ARID1B: variants seen among roughly 807,000 people sequenced by gnomAD.
ARID1B encodes the protein AT-rich interactive domain-containing protein 1B.
ARID1B carries 30 observed loss-of-function variants against 212.3 expected under a neutral mutation model. That is an observed-to-expected ratio of 0.14 (90% CI 0.11 to 0.19). The LOEUF is 0.19. Ranked by LOEUF, ARID1B falls within the 10% of genes least tolerant of loss-of-function variation. The pLI is 1.00. For missense variants in ARID1B, 2,891 were observed against 3,204.0 expected, an observed-to-expected ratio of 0.90 and a Z score of 2.36; for synonymous variants, 1,402 against 1,301.7, an observed-to-expected ratio of 1.08 and a Z score of -1.66.
At position 156,779,432 on chromosome 6, in the gene ARID1B, G is replaced by A. The variant is rs2115005615; in HGVS notation, c.1752G>A (p.Met584Ile). The part of the protein sequence containing the change: ...AAAQQRSHPA[M>I]SPGTPGPTMG... ...CGCAACAAAGGAGTCACCCGGCGATGAGCCCCGGCACCCCCGGACCGACCA... is the reference window on the plus strand; with the variant it reads ...CGCAACAAAGGAGTCACCCGGCGATAAGCCCCGGCACCCCCGGACCGACCA... Residue 584 changes from methionine to isoleucine, a missense_variant, in exon 1 of 20, where the codon ATG (methionine) becomes ATA (isoleucine). By Grantham distance (10) the Met-to-Ile change is conservative (BLOSUM62 1). This residue lies in a region of ARID1B where 1,643 missense variants were observed against 1,544.0 expected (regional missense o/e 1.06). Coordinates refer to ENST00000636930, the MANE Select transcript of ARID1B (RefSeq NM_001374828.1). 2 of 1,465,634 alleles carry A rather than the reference G, an allele frequency of 1.4e-6. No homozygotes were observed. The highest frequency in any genetic ancestry group is 1.8e-6 in the Non-Finnish European group (2 of 1,106,350). The allele number at this position is 1,465,634 out of a possible 1,614,324, so 90.8% of individuals were successfully genotyped here.
intron 4 of ARID1B, among the ~76,000 whole-genome samples, chr6:157,074,065 C>T (rs1784157061): frequency 1.3e-5 from 2 of 152,208 alleles, no homozygotes; most frequent in South Asian, 4.2e-4. Flanking sequence ...TCCCCCAAAA[C>T]AAAAAGAAGA....
chr6:157,067,319 T>A (rs1783728828), intron 4 of ARID1B, among the ~76,000 whole-genome samples: 1 of 152,174 alleles, frequency 6.6e-6, no homozygotes, highest in Non-Finnish European at 1.5e-5. Flanking sequence ...TTCTGGGAAG[T>A]ACAGGCCATC....
At chr6:156,925,764 T>C (rs1323755138) in intron 3 of ARID1B, among the ~76,000 whole-genome samples, 2 of 152,154 alleles carry the variant, frequency 1.3e-5, no homozygotes, top group Non-Finnish European at 2.9e-5. Context: ...AAACTATCGA[T>C]GTGGACTGGG....
chr6:156,843,207 A>G (rs1784015472), intron 2 of ARID1B, among the ~76,000 whole-genome samples: 1 of 152,060 alleles, frequency 6.6e-6, no homozygotes. Context: ...CCATTATTGT[A>G]TTGTCTTCAT....
At chr6:156,885,148 G>A (rs1787405667) in intron 2 of ARID1B, among the ~76,000 whole-genome samples, 1 of 152,116 alleles carries the variant, frequency 6.6e-6, no homozygotes, top group Non-Finnish European at 1.5e-5. Context: ...TCTAATTTCA[G>A]AACTAAAATA....
At chr6:156,784,230 T>C (rs1196242970) in intron 1 of ARID1B, among the ~76,000 whole-genome samples, 7 of 152,070 alleles carry the variant, frequency 4.6e-5, no homozygotes, top group Admixed American at 1.3e-4. Context: ...ATATGTAAAG[T>C]AGTGCCGCAC....
chr6:156,871,527 CTAAT>C (rs1786126524), intron 2 of ARID1B: 2 of 1,229,550 alleles, frequency 1.6e-6, no homozygotes, highest in Non-Finnish European at 2.4e-6. Flanking sequence ...TCAAGGTCAC[CTAAT>C]TAATAAGCCA....
intron 3 of ARID1B, among the ~76,000 whole-genome samples, chr6:156,927,340 C>T (rs976071623): frequency 6.6e-6 from 1 of 152,164 alleles, no homozygotes; most frequent in African/African-American, 2.4e-5. Flanking sequence ...GAGATTCCCA[C>T]AGCCTGGGAT....
intron 2 of ARID1B, among the ~76,000 whole-genome samples, chr6:156,865,058 T>C (rs959424254): frequency 2.0e-5 from 3 of 152,224 alleles, no homozygotes; most frequent in African/African-American, 7.2e-5. Context: ...TTTTATCTTC[T>C]AGAGGACTTC....
At chr6:157,177,586 A>G (rs896891423) in intron 11 of ARID1B, among the ~76,000 whole-genome samples, 13 of 152,378 alleles carry the variant, frequency 8.5e-5, no homozygotes, top group African/African-American at 2.9e-4. Context: ...GTCCATACAC[A>G]TACACATACA....
intron 4 of ARID1B, among the ~76,000 whole-genome samples, chr6:156,977,576 G>T (rs1583065337): frequency 1.3e-5 from 2 of 152,078 alleles, no homozygotes; most frequent in East Asian, 3.9e-4. Flanking sequence ...TGAACATGTG[G>T]AATATAGTTA....
intron 4 of ARID1B, among the ~76,000 whole-genome samples, chr6:157,014,251 T>G (rs2128460408): frequency 6.6e-6 from 1 of 152,320 alleles, no homozygotes; most frequent in South Asian, 2.1e-4. Context: ...TTATTAGAAT[T>G]GTTGGTGGTG....
intron 2 of ARID1B, among the ~76,000 whole-genome samples, chr6:156,840,977 C>A (rs1166567027): frequency 6.6e-6 from 1 of 152,196 alleles, no homozygotes; most frequent in Non-Finnish European, 1.5e-5. Context: ...TTCATCCCAA[C>A]ACCAGTCATT....
chr6:157,123,180 T>G (rs79062148), intron 6 of ARID1B, among the ~76,000 whole-genome samples: 25,353 of 146,340 alleles, frequency 0.17, 2,454 homozygotes, highest in African/African-American at 0.24. Flanking sequence ...TTTGAGATCT[T>G]TCTCTGTCTC....
At chr6:156,991,262 T>C (rs2087473) in intron 4 of ARID1B, among the ~76,000 whole-genome samples, 1 of 151,980 alleles carries the variant, frequency 6.6e-6, no homozygotes, top group African/African-American at 2.4e-5. Flanking sequence ...ACGGAGTTTC[T>C]CTCTGTCGCC....
intron 2 of ARID1B, among the ~76,000 whole-genome samples, chr6:156,871,181 A>G (rs1442941030): frequency 6.6e-6 from 1 of 152,220 alleles, no homozygotes; most frequent in Non-Finnish European, 1.5e-5. Context: ...TACATATACC[A>G]TAGAAGCAAC....
chr6:157,161,404 C>T (rs1265576092), intron 8 of ARID1B, among the ~76,000 whole-genome samples: 1 of 145,176 alleles, frequency 6.9e-6, no homozygotes, highest in Non-Finnish European at 1.5e-5. Context: ...GCTTGACGGT[C>T]TTATTTTCTG....
At position 157,190,977 on chromosome 6, in the gene ARID1B, C is replaced by T. The variant is rs1793323004; in HGVS notation, c.4231+767C>T. 6.6e-6 allele frequency among the ~76,000 whole-genome samples: 1 copy of T among 151,912 alleles called. No individual in the cohort carries two copies. The highest frequency in any genetic ancestry group is 2.4e-5 in the African/African-American group (1 of 41,318). On this transcript the variant is annotated intron_variant, in intron 15 of 19. Transcript: ENST00000636930. This position sits in a 1 kb window ranked among gnomAD's most constrained non-coding sequence, Gnocchi z 4.6. The stretch of plus-strand genomic sequence containing the variant: ...GTGTCCAGAGCACAGTGAGCATGGG[C>T]CCGGGGACAGGCTGAGGTCGTTGAG...
At chr6:157,042,816 G>A (rs1425471173) in intron 4 of ARID1B, among the ~76,000 whole-genome samples, 1 of 151,802 alleles carries the variant, frequency 6.6e-6, no homozygotes, top group African/African-American at 2.4e-5. Flanking sequence ...GTGCCACAAC[G>A]CCCAGCTAAG....
Sources: gnomAD v4.1 joint callset for allele counts (sites outside exome capture counted in the v4.1 genomes callset) on GRCh38, gnomAD v4.1.1 for gene constraint, gnomAD v4.1.1 regional missense constraint, Gnocchi (gnomAD v3.1) non-coding constraint, MANE v1.5 for transcripts, NCBI Gene and HGNC (gene_info 2026-07-23, HGNC 2026-07-21) for gene names.